The following CPNE8 variants were observed in gnomAD, a reference collection of about 807,000 sequenced individuals.
CPNE8 encodes the protein copine 8.
Under a neutral mutation model 81.5 loss-of-function variants are expected in CPNE8, and 45 were observed. The observed-to-expected ratio is 0.55, with a 90% confidence interval of 0.44 to 0.71. CPNE8 has a LOEUF of 0.71. CPNE8 is among the 30% of genes least tolerant of loss of function. The probability of loss-of-function intolerance (pLI) is 0.00; values close to 1 mark genes in which losing one functional copy is unlikely to be tolerated. For missense variants in CPNE8, 594 were observed against 672.1 expected, an observed-to-expected ratio of 0.88 and a Z score of 1.28; for synonymous variants, 252 against 226.3, an observed-to-expected ratio of 1.11 and a Z score of -1.02.
chr12:38,841,315 G>GA (rs1288337783), intron 4 of CPNE8, among the ~76,000 whole-genome samples: 1 of 152,072 alleles, frequency 6.6e-6, no homozygotes, highest in African/African-American at 2.4e-5. Context: ...TATAGAGATC[G>GA]AATTTCTTGC....
At position 38,685,525 on chromosome 12, in the gene CPNE8, G is replaced by A; in HGVS notation, c.1236C>T (p.Pro412=). 6.2e-7 allele frequency: 1 copy of A among 1,613,362 alleles called. No homozygotes were observed. Among genetic ancestry groups the A allele is most frequent in the Non-Finnish European group, 8.5e-7 (1 of 1,179,544 alleles). The change falls in exon 16 of 20, where the codon CCC becomes CCT. Residue 412 remains proline (P), a synonymous_variant. Coordinates refer to ENST00000331366, the MANE Select transcript of CPNE8 (RefSeq NM_153634.3). The stretch of plus-strand genomic sequence containing the variant: ...GATTAATTACAGGAGCAAAGTTGGT[G>A]GGCCCATATAGTTGTACAGATTTCA... ...RSLKSVQLYG[P]TNFAPVINHV... is the part of the protein sequence containing the mutation.
chr12:38,840,295 C>T (rs1943447222), intron 4 of CPNE8, among the ~76,000 whole-genome samples: 1 of 152,116 alleles, frequency 6.6e-6, no homozygotes, highest in Admixed American at 6.5e-5. Flanking sequence ...TACTGTGCAA[C>T]TTACTTCAAA....
chr12:38,747,184 C>T (rs1287531896), intron 10 of CPNE8, among the ~76,000 whole-genome samples: 1 of 152,348 alleles, frequency 6.6e-6, no homozygotes, highest in East Asian at 1.9e-4. Context: ...AAACTACTAG[C>T]ACCAATATTT....
chr12:38,672,108 C>T (rs1314468021), intron 18 of CPNE8, among the ~76,000 whole-genome samples: 1 of 152,094 alleles, frequency 6.6e-6, no homozygotes, highest in East Asian at 1.9e-4. Flanking sequence ...AATGGTAACA[C>T]TCAGTGGTCA....
intron 10 of CPNE8, among the ~76,000 whole-genome samples, chr12:38,751,695 T>TAA (rs5797593): frequency 3.3e-5 from 5 of 152,034 alleles, no homozygotes; most frequent in East Asian, 3.9e-4. Context: ...GCACTGGAGA[T>TAA]AAAAAAATAT....
At chr12:38,744,930 C>T (rs1335249301) in intron 10 of CPNE8, among the ~76,000 whole-genome samples, 9 of 152,166 alleles carry the variant, frequency 5.9e-5, no homozygotes, top group African/African-American at 2.4e-5. Flanking sequence ...TCCTAATGAC[C>T]TCCATAATCT....
rs184475014 is a variant in CPNE8, at chr12:38,795,190, G to A, written c.408-18889C>T. Among the ~76,000 whole-genome samples the A allele has an allele frequency of 9.2e-5, 14 of 152,290 alleles. No individual in the cohort carries two copies. The East Asian group carries it at 2.3e-3, about 25-fold the overall frequency. On this transcript the variant is annotated intron_variant, in intron 6 of 19. Coordinates refer to ENST00000331366, the MANE Select transcript of CPNE8 (RefSeq NM_153634.3). Reference sequence around the variant, plus strand: ...TAGCTTCCTTGCTCCTCAACCTGCAGACCACTTATCGTGCAACTTCACCTT... The same window carrying A: ...TAGCTTCCTTGCTCCTCAACCTGCAAACCACTTATCGTGCAACTTCACCTT...
intron 6 of CPNE8, among the ~76,000 whole-genome samples, chr12:38,797,426 C>G (rs902256505): frequency 5.3e-5 from 8 of 152,122 alleles, no homozygotes; most frequent in Non-Finnish European, 7.3e-5. Flanking sequence ...GCTGCGGATA[C>G]CCAGGCAAAC....
intron 14 of CPNE8, among the ~76,000 whole-genome samples, chr12:38,694,610 G>A (rs1207034967): frequency 6.6e-6 from 1 of 152,204 alleles, no homozygotes; most frequent in Admixed American, 6.5e-5. Context: ...CTTATACTGT[G>A]TAGGATGTTG....
intron 11 of CPNE8, 66 bp downstream of exon 11, chr12:38,730,217 C>A (rs1940798911): frequency 7.1e-6 from 7 of 982,488 alleles, no homozygotes; most frequent in Middle Eastern, 2.1e-4. Context: ...TTGCAGAATC[C>A]ACACTTTTAA....
intron 14 of CPNE8, among the ~76,000 whole-genome samples, chr12:38,694,134 C>G (rs1180090481): frequency 6.6e-6 from 1 of 152,042 alleles, no homozygotes; most frequent in Admixed American, 6.6e-5. Context: ...TATAAAAGTA[C>G]TTTTGTTAAT....
intron 13 of CPNE8, among the ~76,000 whole-genome samples, chr12:38,719,658 A>G (rs149269271): frequency 2.3e-4 from 35 of 151,974 alleles, no homozygotes; most frequent in African/African-American, 8.4e-4. Flanking sequence ...AAAGATATAT[A>G]AATACATTTA....
intron 1 of CPNE8, among the ~76,000 whole-genome samples, chr12:38,886,006 A>G (rs1291115104): frequency 6.6e-6 from 1 of 152,102 alleles, no homozygotes; most frequent in South Asian, 2.1e-4. Context: ...AGCCAATTAA[A>G]TCTCATTTCT....
At chr12:38,887,586 A>T (rs917178294) in intron 1 of CPNE8, among the ~76,000 whole-genome samples, 10 of 152,276 alleles carry the variant, frequency 6.6e-5, no homozygotes, top group African/African-American at 2.2e-4. Flanking sequence ...CTGTTTTCCA[A>T]ATATTTCAGT....
chr12:38,753,966 T>C (rs559403865), intron 10 of CPNE8, among the ~76,000 whole-genome samples: 39 of 152,256 alleles, frequency 2.6e-4, no homozygotes, highest in Non-Finnish European at 5.3e-4. Context: ...TAAGAGACGA[T>C]TACTGTGATA....
chr12:38,902,341 AAAG>A (rs1944484386), intron 1 of CPNE8, among the ~76,000 whole-genome samples: 2 of 91,460 alleles, frequency 2.2e-5, no homozygotes, highest in African/African-American at 6.9e-5. Flanking sequence ...AGAAAGAAAG[AAAG>A]AAAGAAAGAA....
chr12:38,738,516 G>T (rs541397273), intron 10 of CPNE8, among the ~76,000 whole-genome samples: 28 of 152,074 alleles, frequency 1.8e-4, no homozygotes, highest in Middle Eastern at 6.8e-3. Flanking sequence ...TATAGATAAG[G>T]GATTGTTAGT....
chr12:38,704,828 A>ATATATATGTGTATATATATATATATATC (rs1555145199), intron 13 of CPNE8, among the ~76,000 whole-genome samples: 2 of 45,474 alleles, frequency 4.4e-5, no homozygotes, highest in East Asian at 3.0e-3. Context: ...ATGTATGTGT[A>ATATATATGTGTATATATATATATATATC]TATATATATA....
chr12:38,793,642 C>A (rs1426246688), intron 6 of CPNE8, among the ~76,000 whole-genome samples: 1 of 151,784 alleles, frequency 6.6e-6, no homozygotes, highest in Non-Finnish European at 1.5e-5. Flanking sequence ...TCCATATTAC[C>A]CAAAGTGGCT....
Sources: gnomAD v4.1 joint callset for allele counts (sites outside exome capture counted in the v4.1 genomes callset) on GRCh38, gnomAD v4.1.1 for gene constraint, MANE v1.5 for transcripts, NCBI Gene and HGNC (gene_info 2026-07-23, HGNC 2026-07-21) for gene names.